The following KAZN variants were observed in gnomAD, a reference collection of about 807,000 sequenced individuals.
KAZN encodes the protein kazrin, periplakin interacting protein.
KAZN carries 40 observed loss-of-function variants against 87.4 expected under a neutral mutation model. The ratio of observed to expected loss-of-function variants is 0.46; its 90% CI spans 0.36 to 0.60. The LOEUF (loss-of-function observed/expected upper bound fraction) is 0.60, where lower values mean the gene tolerates loss of function less well. KAZN is among the 20% of genes least tolerant of loss of function. KAZN has a pLI of 0.00. For synonymous variants in KAZN, 466 were observed against 458.3 expected (o/e 1.02, Z -0.22); for missense variants, 898 against 1,073.9 (o/e 0.84, Z 2.29).
chr1:14,228,306 T>C (rs1647482662), intron 2 of KAZN, among the ~76,000 whole-genome samples: 1 of 152,218 alleles, frequency 6.6e-6, no homozygotes, highest in Non-Finnish European at 1.5e-5. Context: ...CAGCAAATAT[T>C]ATTGTCCTTG....
intron 2 of KAZN, among the ~76,000 whole-genome samples, chr1:14,461,668 T>C (rs924868716): frequency 2.6e-5 from 4 of 152,156 alleles, no homozygotes; most frequent in Admixed American, 2.6e-4. Context: ...GGACAAGACA[T>C]GACTAAAGCC....
chr1:14,102,919 T>C (rs1644290309), intron 1 of KAZN, among the ~76,000 whole-genome samples: 1 of 151,690 alleles, frequency 6.6e-6, no homozygotes, highest in Non-Finnish European at 1.5e-5. Flanking sequence ...TCTCTCTTTT[T>C]TTTTTTTTTA....
chr1:14,142,866 G>T (rs139950853), intron 1 of KAZN, among the ~76,000 whole-genome samples: 17 of 152,188 alleles, frequency 1.1e-4, no homozygotes, highest in African/African-American at 3.9e-4. Flanking sequence ...AAAAGAAGCC[G>T]CTCTGGCTGT....
intron 2 of KAZN, among the ~76,000 whole-genome samples, chr1:14,545,737 CAA>C (rs1447122786): frequency 5.3e-5 from 8 of 152,308 alleles, no homozygotes; most frequent in African/African-American, 1.9e-4. Flanking sequence ...CTCTGTTCAT[CAA>C]AGTCACTCAG....
intron 2 of KAZN, among the ~76,000 whole-genome samples, chr1:14,306,257 A>G (rs771229578): frequency 3.9e-5 from 6 of 152,178 alleles, no homozygotes; most frequent in Non-Finnish European, 8.8e-5. Context: ...TCTTTCTGCA[A>G]TTGCTCCCCT....
Position 14,032,299 on chromosome 1 carries a change from G to A in KAZN, c.91+138543G>A, listed in dbSNP as rs114316560. ...TGACATCAACCAACACTGTGAGGTC[G>A]GTAGCATTCCTTGTTATCTTCAAGA... is the stretch of plus-strand genomic sequence containing the variant. On this transcript the variant is annotated intron_variant, in intron 1 of 16. Transcript: ENST00000636203. 8.9e-3 allele frequency among the ~76,000 whole-genome samples: 1,361 copies of A among 152,290 alleles called. 28 individuals carry two copies. The highest frequency in any genetic ancestry group is 0.031 in the African/African-American group (1,302 of 41,556).
intron 2 of KAZN, among the ~76,000 whole-genome samples, chr1:14,355,636 T>C (rs1413128231): frequency 1.3e-5 from 2 of 152,152 alleles, no homozygotes; most frequent in African/African-American, 4.8e-5. Context: ...TGCGTCCATG[T>C]GTTCTCCTTG....
intron 1 of KAZN, among the ~76,000 whole-genome samples, chr1:14,714,871 C>T (rs7545696): frequency 0.35 from 52,062 of 148,756 alleles, 10,083 homozygotes; most frequent in East Asian, 0.53. Flanking sequence ...CACAGTTCAC[C>T]GCAGCCTTGA....
chr1:14,620,505 C>T (rs548083670), intron 1 of KAZN, among the ~76,000 whole-genome samples: 114 of 152,288 alleles, frequency 7.5e-4, no homozygotes, highest in Non-Finnish European at 1.5e-3. Context: ...TTCCAGGGCT[C>T]GGCCAGGTCA....
intron 2 of KAZN, among the ~76,000 whole-genome samples, chr1:14,314,138 T>C (rs2100819809): frequency 6.6e-6 from 1 of 152,250 alleles, no homozygotes; most frequent in South Asian, 2.1e-4. Context: ...TACATGTAAA[T>C]ACCTTCTGTT....
intron 1 of KAZN, among the ~76,000 whole-genome samples, chr1:14,179,663 G>A (rs983463378): frequency 1.3e-5 from 2 of 152,164 alleles, no homozygotes; most frequent in African/African-American, 4.8e-5. Context: ...ATTCCATGAG[G>A]AAAGAAATAT....
intron 1 of KAZN, among the ~76,000 whole-genome samples, chr1:14,680,859 C>T (rs1207953817): frequency 6.6e-6 from 1 of 152,068 alleles, no homozygotes; most frequent in Non-Finnish European, 1.5e-5. Context: ...ACGTGAGACT[C>T]GGTAATTTAG....
At chr1:15,029,261 G>A (rs1010426799) in intron 2 of KAZN, among the ~76,000 whole-genome samples, 2 of 152,214 alleles carry the variant, frequency 1.3e-5, no homozygotes, top group African/African-American at 4.8e-5. Context: ...CTATGAGAGC[G>A]TCAGCCTCCC....
At chr1:14,714,796 T>TG (rs1642696668) in intron 1 of KAZN, among the ~76,000 whole-genome samples, 1 of 121,740 alleles carries the variant, frequency 8.2e-6, no homozygotes, top group South Asian at 3.1e-4. Flanking sequence ...CTTTTTTTTT[T>TG]GTTTTTTTTT....
At chr1:14,569,299 C>A (rs1264280482) in intron 2 of KAZN, among the ~76,000 whole-genome samples, 1 of 148,106 alleles carries the variant, frequency 6.8e-6, no homozygotes, top group African/African-American at 2.5e-5. Flanking sequence ...ACCACCTCCT[C>A]TACCTCCTCT....
intron 1 of KAZN, among the ~76,000 whole-genome samples, chr1:14,146,909 TG>T (rs1478639157): frequency 6.6e-6 from 1 of 152,144 alleles, no homozygotes; most frequent in Non-Finnish European, 1.5e-5. Flanking sequence ...TGGAACTGTG[TG>T]GGTCCGCTTC....
intron 2 of KAZN, among the ~76,000 whole-genome samples, chr1:14,575,644 C>G (rs1675131281): frequency 6.6e-6 from 1 of 152,108 alleles, no homozygotes; most frequent in South Asian, 2.1e-4. Flanking sequence ...GACAAGTAAC[C>G]AGCACTTGAA....
chr1:15,084,501 A>G (rs1432177358), intron 8 of KAZN, among the ~76,000 whole-genome samples: 1 of 152,258 alleles, frequency 6.6e-6, no homozygotes, highest in Non-Finnish European at 1.5e-5. Flanking sequence ...CAGACAAAAA[A>G]CAAAAGCTGT....
chr1:15,046,576 G>A (rs1673566661), intron 4 of KAZN, among the ~76,000 whole-genome samples: 1 of 152,218 alleles, frequency 6.6e-6, no homozygotes, highest in Non-Finnish European at 1.5e-5. Context: ...AAATAAAGCA[G>A]GAGAAGCATT....
Sources: gnomAD v4.1 joint callset for allele counts (sites outside exome capture counted in the v4.1 genomes callset) on GRCh38, gnomAD v4.1.1 for gene constraint, MANE v1.5 for transcripts, NCBI Gene and HGNC (gene_info 2026-07-23, HGNC 2026-07-21) for gene names.